SNX13: variants seen among roughly 807,000 people sequenced by gnomAD.
The protein encoded by SNX13 is sorting nexin-13.
In SNX13, 45 loss-of-function variants were observed where a neutral mutation model predicts 133.6. That is an observed-to-expected ratio of 0.34 (90% CI 0.27 to 0.43). The LOEUF is 0.43. SNX13 is among the 20% of genes least tolerant of loss of function. The pLI, the probability that SNX13 is intolerant of heterozygous loss-of-function variation, is 1.00. For synonymous variants in SNX13, 414 were observed against 373.9 expected (o/e 1.11, Z -1.24); for missense variants, 1,032 against 1,145.1 (o/e 0.90, Z 1.43).
intron 1 of SNX13, among the ~76,000 whole-genome samples, chr7:17,928,046 C>T (rs763102051): frequency 6.6e-6 from 1 of 152,200 alleles, no homozygotes; most frequent in African/African-American, 2.4e-5. Flanking sequence ...GTTTTGACTT[C>T]TGCTTTTCTC....
At chr7:17,923,852 C>T (rs1241781591) in intron 1 of SNX13, among the ~76,000 whole-genome samples, 1 of 152,014 alleles carries the variant, frequency 6.6e-6, no homozygotes, top group East Asian at 1.9e-4. Context: ...GTTAATTATT[C>T]GACACTGCTA....
In SNX13 at chr7:17,873,544, A is replaced by G; in HGVS notation, c.737T>C (p.Met246Thr). ...LPPGDFQNKIMRYFVREILAR... is the reference protein window; with the variant it reads ...LPPGDFQNKITRYFVREILAR... Reference sequence around the variant, plus strand: ...TAAGCTTACCCTGACAAAGTATCGCATGATCTTGTTCTGGAAATCTCCAGG... The same window carrying G: ...TAAGCTTACCCTGACAAAGTATCGCGTGATCTTGTTCTGGAAATCTCCAGG... Residue 246 changes from methionine to threonine, a missense_variant, in exon 8 of 26, where the codon ATG (methionine) becomes ACG (threonine). Coordinates refer to ENST00000428135, the MANE Select transcript of SNX13 (RefSeq NM_015132.5). 1 of 1,584,346 alleles carries G rather than the reference A, an allele frequency of 6.3e-7. No individual in the cohort carries two copies. The highest frequency in any genetic ancestry group is 8.6e-7 in the Non-Finnish European group (1 of 1,165,834).
intron 20 of SNX13, among the ~76,000 whole-genome samples, chr7:17,805,040 G>C (rs1583469552): frequency 6.6e-6 from 1 of 152,176 alleles, no homozygotes; most frequent in African/African-American, 2.4e-5. Flanking sequence ...TAGTACCATA[G>C]ATATGCTTGA....
chr7:17,886,429 G>A (rs765527113), intron 5 of SNX13, among the ~76,000 whole-genome samples: 1 of 151,974 alleles, frequency 6.6e-6, no homozygotes, highest in Non-Finnish European at 1.5e-5. Flanking sequence ...TTAGTCGGGT[G>A]TAGTGGCGTG....
Position 17,794,288 on chromosome 7 carries a change from C to T in SNX13, c.2631G>A (p.Glu877=), listed in dbSNP as rs530054165. The T allele has an allele frequency of 2.5e-6, 4 of 1,608,032 alleles. No individual in the cohort carries two copies. The highest frequency in any genetic ancestry group is 4.5e-5 in the East Asian group (2 of 44,752). The change falls in exon 26 of 26, where the codon GAG becomes GAA. Residue 877 remains glutamate (E), a synonymous_variant. Coordinates refer to ENST00000428135, the MANE Select transcript of SNX13 (RefSeq NM_015132.5). ...TCTCAGCCCCAATAATGTGCTTCAG[C>T]TCATCTAAATGAAGTGGAGGAAAAC... ...KTKLLAIMPD[E]LKHIIGAETT...
intron 2 of SNX13, among the ~76,000 whole-genome samples, chr7:17,895,779 G>A (rs891024127): frequency 2.6e-5 from 4 of 152,120 alleles, no homozygotes; most frequent in Admixed American, 6.5e-5. Context: ...TTAATAAACT[G>A]ATTACTCTTC....
intron 2 of SNX13, among the ~76,000 whole-genome samples, chr7:17,893,836 G>A (rs1248121278): frequency 1.3e-5 from 2 of 151,666 alleles, no homozygotes; most frequent in Non-Finnish European, 2.9e-5. Flanking sequence ...AGCCAGGGTG[G>A]TGGCTTGCAC....
At position 17,911,335 on chromosome 7, in the gene SNX13, C is replaced by T. The variant is rs557717287; in HGVS notation, c.13-13889G>A. Reference sequence around the variant, plus strand: ...CTCAGCAACAGTTTTTCAGGAAAGTCATTAGAAAGCTAAACATAATTGCCG... The same window carrying T: ...CTCAGCAACAGTTTTTCAGGAAAGTTATTAGAAAGCTAAACATAATTGCCG... On this transcript the variant is annotated intron_variant, in intron 1 of 25. Coordinates refer to ENST00000428135, the MANE Select transcript of SNX13 (RefSeq NM_015132.5). Among the ~76,000 whole-genome samples the T allele has an allele frequency of 3.0e-4, 46 of 152,236 alleles. 1 individual carries two copies. The South Asian group carries it at 9.3e-3, about 31-fold the overall frequency.
rs1001232013 is a variant in SNX13 at position 17,834,295 on chromosome 7, T to C, written c.1465-111A>G. On this transcript the variant is annotated intron_variant, in intron 14 of 25. Coordinates refer to ENST00000428135, the MANE Select transcript of SNX13 (RefSeq NM_015132.5). ...GAGGTCTTGCCATAATGTATCATAG[T>C]TACAAGCTGTCAGCAATAAGACTAT... is the stretch of plus-strand genomic sequence containing the variant. 235 of 910,190 alleles carry C rather than the reference T, an allele frequency of 2.6e-4. 1 individual carries two copies. Among genetic ancestry groups the C allele is most frequent in the African/African-American group, 6.8e-5 (4 of 58,860 alleles). 56.4% of individuals were successfully genotyped at this position (910,190 alleles called of 1,614,324 possible). A position where few individuals can be genotyped will look rare whatever the true frequency, so the allele number is the denominator to read the frequency against.
chr7:17,832,932 A>G (rs1788678240), intron 15 of SNX13, among the ~76,000 whole-genome samples: 1 of 151,438 alleles, frequency 6.6e-6, no homozygotes, highest in South Asian at 2.1e-4. Flanking sequence ...AGGAGAGGGG[A>G]GGCTGGGAGA....
chr7:17,838,176 A>C (rs1046841184), intron 13 of SNX13, among the ~76,000 whole-genome samples: 18 of 151,964 alleles, frequency 1.2e-4, no homozygotes, highest in African/African-American at 4.1e-4. Context: ...GACCTTATTA[A>C]GCAAATTATT....
intron 9 of SNX13, among the ~76,000 whole-genome samples, chr7:17,862,410 T>C (rs1031505329): frequency 6.6e-6 from 1 of 152,182 alleles, no homozygotes; most frequent in African/African-American, 2.4e-5. Flanking sequence ...ACTATTTTAT[T>C]ACATAATCCA....
intron 24 of SNX13, among the ~76,000 whole-genome samples, chr7:17,797,704 G>A (rs1008404879): frequency 1.3e-5 from 2 of 151,730 alleles, no homozygotes; most frequent in Non-Finnish European, 3.0e-5. Context: ...TAAAGCTCTA[G>A]AGGTGATTCC....
chr7:17,861,843 C>T (rs910354296), intron 9 of SNX13, among the ~76,000 whole-genome samples: 2 of 152,202 alleles, frequency 1.3e-5, no homozygotes, highest in African/African-American at 4.8e-5. Context: ...GAAGTGCCCA[C>T]TTGGGTCTCT....
chr7:17,888,402 CA>C, intron 5 of SNX13: 2 of 214,688 alleles, frequency 9.3e-6, no homozygotes, highest in Non-Finnish European at 1.9e-5. Flanking sequence ...ACTAGGGGAT[CA>C]AAAACAGGGA....
At chr7:17,939,615 GA>G (rs950932703) in intron 1 of SNX13, among the ~76,000 whole-genome samples, 5 of 152,066 alleles carry the variant, frequency 3.3e-5, no homozygotes, top group African/African-American at 9.7e-5. Context: ...CAGGTCCAAA[GA>G]AAAAAACTAT....
chr7:17,817,869 C>G (rs527456911), intron 18 of SNX13, among the ~76,000 whole-genome samples: 1 of 152,138 alleles, frequency 6.6e-6, no homozygotes, highest in South Asian at 2.1e-4. Flanking sequence ...CCTGGTATTA[C>G]CAAGTCTTGT....
At chr7:17,851,719 C>CG (rs1212557655) in intron 9 of SNX13, among the ~76,000 whole-genome samples, 205 of 20,430 alleles carry the variant, frequency 0.01, no homozygotes, top group Middle Eastern at 0.043. Flanking sequence ...ATTTGCCGGG[C>CG]GGGGGGGGCG....
rs1256985209 is a variant in SNX13, at chr7:17,893,361, G to C, written c.199C>G (p.Leu67Val). 3 of 1,576,708 alleles carry C rather than the reference G, an allele frequency of 1.9e-6. No homozygotes were observed. Among genetic ancestry groups the C allele is most frequent in the South Asian group, 2.3e-5 (2 of 85,720 alleles). The change falls in exon 3 of 26, where the codon CTT (leucine) becomes GTT (valine). Residue 67 changes from leucine to valine, a missense_variant. Physicochemically the swap from Leu to Val is conservative, Grantham distance 32. Coordinates refer to ENST00000428135, the MANE Select transcript of SNX13 (RefSeq NM_015132.5). ...KYLEQCEHSF[L>V]PPTSPGVPKC... The stretch of plus-strand genomic sequence containing the variant: ...GGAACCCCAGGTGATGTTGGAGGAA[G>C]AAATGAGTGTTCACACTGTTCTAGG...
Sources: gnomAD v4.1 joint callset for allele counts (sites outside exome capture counted in the v4.1 genomes callset) on GRCh38, gnomAD v4.1.1 for gene constraint, MANE v1.5 for transcripts, NCBI Gene and HGNC (gene_info 2026-07-23, HGNC 2026-07-21) for gene names.